CORIN: variants seen among roughly 807,000 people sequenced by gnomAD.
CORIN encodes the protein corin, serine peptidase.
Under a neutral mutation model 125.3 loss-of-function variants are expected in CORIN, and 117 were observed. That is an observed-to-expected ratio of 0.93 (90% CI 0.80 to 1.09). The LOEUF (loss-of-function observed/expected upper bound fraction) is 1.09. Ranked by LOEUF, CORIN falls within the 50% of genes least tolerant of loss-of-function variation. The probability of loss-of-function intolerance (pLI) is 0.00; values close to 1 mark genes in which losing one functional copy is unlikely to be tolerated. For missense variants in CORIN, 1,253 were observed against 1,306.7 expected (o/e 0.96, Z 0.63); for synonymous variants, 450 against 466.4 (o/e 0.96, Z 0.45).
chr4:47,630,062 G>GATCC (rs1281852221), intron 16 of CORIN, among the ~76,000 whole-genome samples: 7 of 152,214 alleles, frequency 4.6e-5, no homozygotes, highest in African/African-American at 1.7e-4. Context: ...TTGTTACATG[G>GATCC]ATGTTCATAC....
At chr4:47,654,130 T>A (rs1037580174) in intron 12 of CORIN, among the ~76,000 whole-genome samples, 3 of 152,240 alleles carry the variant, frequency 2.0e-5, no homozygotes, top group Non-Finnish European at 4.4e-5. Context: ...GCCTTCAGGA[T>A]CACTAGTATA....
chr4:47,771,341 G>A (rs905324833), intron 3 of CORIN, among the ~76,000 whole-genome samples: 3 of 152,168 alleles, frequency 2.0e-5, no homozygotes, highest in African/African-American at 7.2e-5. Flanking sequence ...CAATTTGAAA[G>A]GATATCGTGT....
intron 16 of CORIN, among the ~76,000 whole-genome samples, chr4:47,637,019 T>C (rs1723051480): frequency 6.6e-6 from 1 of 152,178 alleles, no homozygotes; most frequent in Admixed American, 6.5e-5. Flanking sequence ...GATAGCGATA[T>C]GGACAATAAA....
chr4:47,633,779 A>T (rs1722925003), intron 16 of CORIN, among the ~76,000 whole-genome samples: 1 of 152,190 alleles, frequency 6.6e-6, no homozygotes, highest in Non-Finnish European at 1.5e-5. Flanking sequence ...TTTCAACATG[A>T]CTTTTTAAAT....
chr4:47,705,002 A>T (rs1726485143), intron 5 of CORIN, among the ~76,000 whole-genome samples: 1 of 152,186 alleles, frequency 6.6e-6, no homozygotes, highest in South Asian at 2.1e-4. Context: ...AGTGGATTTC[A>T]GCTAAGAGAT....
chr4:47,611,253 T>G (rs1271095866), intron 19 of CORIN, among the ~76,000 whole-genome samples: 2 of 152,228 alleles, frequency 1.3e-5, no homozygotes, highest in African/African-American at 4.8e-5. Flanking sequence ...CATTTGTTTG[T>G]GTCCTCTCTG....
At chr4:47,836,748 C>T (rs1196487432) in intron 1 of CORIN, among the ~76,000 whole-genome samples, 6 of 152,160 alleles carry the variant, frequency 3.9e-5, no homozygotes, top group Admixed American at 1.3e-4. Context: ...GGGAGCCGTG[C>T]AAAAAGCGCG....
chr4:47,673,211 T>A (rs1724848432), intron 10 of CORIN, among the ~76,000 whole-genome samples: 2 of 148,606 alleles, frequency 1.3e-5, no homozygotes, highest in Non-Finnish European at 3.0e-5. Flanking sequence ...AATAAATAAA[T>A]AAATAAATAA....
At position 47,665,319 on chromosome 4, in the gene CORIN, C is replaced by G. The variant is rs1016354072; in HGVS notation, c.1358-56G>C. 1.4e-5 allele frequency: 19 copies of G among 1,338,118 alleles called. No homozygotes were observed. The South Asian group carries it at 2.3e-4, about 16-fold the overall frequency. The allele number at this position is 1,338,118 out of a possible 1,614,324, so 82.9% of individuals were successfully genotyped here. On this transcript the variant is annotated intron_variant, in intron 10 of 21. Transcript: ENST00000273857. Reference sequence around the variant, plus strand: ...TAAATTTCACATATAAAAACAACTTCTTTAAGTTTTACAAACTTGAAGTCT... The same window carrying G: ...TAAATTTCACATATAAAAACAACTTGTTTAAGTTTTACAAACTTGAAGTCT...
At chr4:47,646,072 TA>T (rs1321736863) in intron 13 of CORIN, among the ~76,000 whole-genome samples, 3 of 134,842 alleles carry the variant, frequency 2.2e-5, no homozygotes, top group East Asian at 2.3e-4. Flanking sequence ...AAAAGTGACA[TA>T]GGGGACATGG....
chr4:47,812,469 C>A (rs1732103368), intron 1 of CORIN, among the ~76,000 whole-genome samples: 1 of 152,112 alleles, frequency 6.6e-6, no homozygotes, highest in African/African-American at 2.4e-5. Flanking sequence ...CGTACCACTG[C>A]ACTGCAGCCT....
chr4:47,603,794 T>G, intron 19 of CORIN, 126 bp from the exon 20 acceptor site: 1 of 1,021,180 alleles, frequency 9.8e-7, no homozygotes. Flanking sequence ...TCTCAATGTA[T>G]TCATATAAGT....
chr4:47,717,259 A>G (rs1382362640), intron 5 of CORIN, among the ~76,000 whole-genome samples: 3 of 152,102 alleles, frequency 2.0e-5, no homozygotes, highest in Non-Finnish European at 4.4e-5. Context: ...TACACACTCA[A>G]TTTTACCAAT....
chr4:47,665,891 C>A (rs909873765), intron 10 of CORIN, among the ~76,000 whole-genome samples: 10 of 152,156 alleles, frequency 6.6e-5, no homozygotes, highest in African/African-American at 2.2e-4. Context: ...ATTATCCAAT[C>A]AACAGTATCT....
At chr4:47,791,300 T>C (rs1731067768) in intron 2 of CORIN, among the ~76,000 whole-genome samples, 1 of 152,188 alleles carries the variant, frequency 6.6e-6, no homozygotes, top group Non-Finnish European at 1.5e-5. Flanking sequence ...AGCCAAGGAA[T>C]GCAGGAAGCC....
At chr4:47,624,320 G>A (rs537394308) in intron 17 of CORIN, among the ~76,000 whole-genome samples, 1 of 152,230 alleles carries the variant, frequency 6.6e-6, no homozygotes, top group East Asian at 1.9e-4. Flanking sequence ...CAGTTCTCAA[G>A]GGGAGATGGG....
chr4:47,673,628 T>G (rs1370937614), intron 10 of CORIN, among the ~76,000 whole-genome samples: 2 of 152,144 alleles, frequency 1.3e-5, no homozygotes, highest in Non-Finnish European at 2.9e-5. Flanking sequence ...CTTCCCCAAA[T>G]AACTCCTCCT....
Position 47,770,884 on chromosome 4 carries a change from G to A in CORIN, c.410-7298C>T, listed in dbSNP as rs149811645. 1.1e-3 allele frequency among the ~76,000 whole-genome samples: 161 copies of A among 152,238 alleles called. 1 individual carries two copies. The East Asian group carries it at 0.027, about 26-fold the overall frequency. ...TACCAGGGACTAGGGGTATAAGGGTGAGGATTGCAATATGTTGGTCAAAGG... is the reference window on the plus strand; with the variant it reads ...TACCAGGGACTAGGGGTATAAGGGTAAGGATTGCAATATGTTGGTCAAAGG... On this transcript the variant is annotated intron_variant, in intron 3 of 21. Transcript: ENST00000273857.
intron 3 of CORIN, among the ~76,000 whole-genome samples, chr4:47,773,070 G>A (rs540054139): frequency 3.3e-5 from 5 of 151,854 alleles, no homozygotes; most frequent in Admixed American, 1.3e-4. Flanking sequence ...TTAAAAATAC[G>A]TATTGAGTCT....
Sources: allele counts gnomAD v4.1 joint callset (sites outside exome capture counted in the v4.1 genomes callset), GRCh38; gene constraint gnomAD v4.1.1; transcripts MANE v1.5; gene names NCBI Gene and HGNC (gene_info 2026-07-23, HGNC 2026-07-21).